Variants in GALNT18 observed in about 807,000 individuals in gnomAD.
GALNT18 encodes the protein GalNAc-transferase 18.
Under a neutral mutation model 69.5 loss-of-function variants are expected in GALNT18, and 44 were observed. That is an observed-to-expected ratio of 0.63 (90% CI 0.50 to 0.81). GALNT18 has a LOEUF of 0.81. Among genes scored for constraint, GALNT18 ranks in the 40% least tolerant of loss-of-function variants. The pLI, the probability that GALNT18 is intolerant of heterozygous loss-of-function variation, is 0.00. For missense variants in GALNT18, 715 were observed against 810.0 expected (o/e 0.88, Z 1.42); for synonymous variants, 364 against 318.2 (o/e 1.14, Z -1.53).
At chr11:11,285,661 G>A (rs1401246206) in intron 10 of GALNT18, among the ~76,000 whole-genome samples, 2 of 152,150 alleles carry the variant, frequency 1.3e-5, no homozygotes, top group African/African-American at 4.8e-5. Flanking sequence ...GTTTTATTCT[G>A]GAGCCATCAT....
rs1268177557 is a variant in GALNT18, at chr11:11,270,959, A to G, written c.*185T>C. The G allele has an allele frequency of 1.2e-5, 6 of 515,844 alleles. No individual in the cohort carries two copies. Among genetic ancestry groups the G allele is most frequent in the Non-Finnish European group, 1.7e-5 (5 of 290,940 alleles). 32.0% of individuals were successfully genotyped at this position (515,844 alleles called of 1,614,324 possible). A position where few individuals can be genotyped will look rare whatever the true frequency, so the allele number is the denominator to read the frequency against. On this transcript the variant is annotated 3_prime_UTR_variant, in exon 11 of 11. Transcript: ENST00000227756. ...CAACTGCAAAATAGTTTGATATCATACCATCACCTACCAATCAGCATCTTT... is the reference window on the plus strand; with the variant it reads ...CAACTGCAAAATAGTTTGATATCATGCCATCACCTACCAATCAGCATCTTT...
chr11:11,558,940 G>A (rs1858397213), intron 1 of GALNT18, among the ~76,000 whole-genome samples: 1 of 152,210 alleles, frequency 6.6e-6, no homozygotes, highest in African/African-American at 2.4e-5. Flanking sequence ...TTGCCAGAGA[G>A]GCTGCACAGC....
At chr11:11,275,886 G>T (rs141664378) in intron 10 of GALNT18, among the ~76,000 whole-genome samples, 2 of 152,102 alleles carry the variant, frequency 1.3e-5, no homozygotes, top group African/African-American at 4.8e-5. Flanking sequence ...TGTTCCATTG[G>T]TCTATCTCTC....
chr11:11,567,133 C>G (rs1299795974), intron 1 of GALNT18, among the ~76,000 whole-genome samples: 1 of 152,138 alleles, frequency 6.6e-6, no homozygotes, highest in Non-Finnish European at 1.5e-5. Flanking sequence ...CAGCCAGGAG[C>G]AAAAGCAAGT....
At chr11:11,568,668 G>A (rs1858710732) in intron 1 of GALNT18, among the ~76,000 whole-genome samples, 2 of 152,112 alleles carry the variant, frequency 1.3e-5, no homozygotes, top group African/African-American at 4.8e-5. Context: ...ACTGGACTAG[G>A]AGTCTGGAGT....
At chr11:11,362,245 A>G (rs1474533411) in intron 6 of GALNT18, among the ~76,000 whole-genome samples, 1 of 152,192 alleles carries the variant, frequency 6.6e-6, no homozygotes, top group Non-Finnish European at 1.5e-5. Flanking sequence ...ACATAAGTGA[A>G]TTTCTTTATA....
At chr11:11,272,268 C>A (rs1475795046) in intron 10 of GALNT18, among the ~76,000 whole-genome samples, 1 of 152,190 alleles carries the variant, frequency 6.6e-6, no homozygotes, top group East Asian at 1.9e-4. Flanking sequence ...CAAGTCCTGG[C>A]AATTCTACCT....
intron 1 of GALNT18, among the ~76,000 whole-genome samples, chr11:11,489,589 G>C (rs1195764095): frequency 6.6e-6 from 1 of 152,104 alleles, no homozygotes; most frequent in Admixed American, 6.5e-5. Flanking sequence ...TTGGGAGTTG[G>C]GCCTGGTTTT....
chr11:11,271,007 A>G lies in GALNT18; in HGVS notation c.*137T>C. The G allele has an allele frequency of 1.6e-6, 1 of 643,558 alleles. No individual in the cohort carries two copies. 39.9% of individuals were successfully genotyped at this position (643,558 alleles called of 1,614,324 possible). A position where few individuals can be genotyped will look rare whatever the true frequency, so the allele number is the denominator to read the frequency against. The stretch of plus-strand genomic sequence containing the variant: ...TTTCTATAAACTCCATGAAAATTGA[A>G]TAGGAAATAAAAAGCTCTTCTTGGG... On this transcript the variant is annotated 3_prime_UTR_variant, in exon 11 of 11. Coordinates refer to ENST00000227756, the MANE Select transcript of GALNT18 (RefSeq NM_198516.3).
rs961942461 is a variant in GALNT18, at chr11:11,465,048, G to A, written c.236-16112C>T. Among the ~76,000 whole-genome samples, 5 of 152,144 alleles carry A rather than the reference G, an allele frequency of 3.3e-5. No homozygotes were observed. The highest frequency in any genetic ancestry group is 9.7e-5 in the African/African-American group (4 of 41,418). On this transcript the variant is annotated intron_variant, in intron 1 of 10. Coordinates refer to ENST00000227756, the MANE Select transcript of GALNT18 (RefSeq NM_198516.3). The surrounding 1 kb of genome is among the most constrained non-coding windows in gnomAD (Gnocchi z 5.7). ...TTATTATTTCTTGTCTTCCCCACCA[G>A]AGTCAAGTACACAGAGTAACTTAGA...
At chr11:11,291,616 G>A (rs1274407270) in intron 10 of GALNT18, among the ~76,000 whole-genome samples, 3 of 150,292 alleles carry the variant, frequency 2.0e-5, no homozygotes, top group Non-Finnish European at 2.9e-5. Flanking sequence ...TTGAACCCCC[G>A]ACACTTTGCA....
In GALNT18 at chr11:11,337,961, ATTT is replaced by A. The variant is rs11351706; in HGVS notation, c.1278+2855_1278+2857del. The stretch of plus-strand genomic sequence containing the variant: ...TGTACATAGCAGGAGTCATTTAAAG[ATTT>A]TTTTTTTTTTTTTTTTTTTGAGACA... On this transcript the variant is annotated intron_variant, in intron 7 of 10. Coordinates refer to ENST00000227756, the MANE Select transcript of GALNT18 (RefSeq NM_198516.3). This position sits in a 1 kb window ranked among gnomAD's most constrained non-coding sequence, Gnocchi z 4.9. 7.4e-4 allele frequency among the ~76,000 whole-genome samples: 88 copies of A among 118,774 alleles called. No individual in the cohort carries two copies. Among genetic ancestry groups the A allele is most frequent in the African/African-American group, 2.3e-3 (69 of 30,496 alleles). 77.9% of individuals were successfully genotyped at this position (118,774 alleles called of 152,430 possible).
At chr11:11,373,035 C>T (rs575258267) in intron 5 of GALNT18, among the ~76,000 whole-genome samples, 21 of 152,222 alleles carry the variant, frequency 1.4e-4, no homozygotes, top group African/African-American at 4.8e-4. Context: ...TGTATGTCAT[C>T]CTTGGTCTAC....
In GALNT18 at chr11:11,592,376, T is replaced by C. The variant is rs1859378866; in HGVS notation, c.235+28983A>G. ...TTGACATGCTGTTCCTGCAAGGAAG[T>C]GGACTGAGTTTTCTAGATAATGTTT... On this transcript the variant is annotated intron_variant, in intron 1 of 10. Coordinates refer to ENST00000227756, the MANE Select transcript of GALNT18 (RefSeq NM_198516.3). The surrounding 1 kb of genome is among the most constrained non-coding windows in gnomAD (Gnocchi z 5.9). Among the ~76,000 whole-genome samples, 1 of 152,172 alleles carries C rather than the reference T, an allele frequency of 6.6e-6. No homozygotes were observed. The highest frequency in any genetic ancestry group is 1.5e-5 in the Non-Finnish European group (1 of 68,026).
At position 11,617,881 on chromosome 11, in the gene GALNT18, G is replaced by A. The variant is rs547836086; in HGVS notation, c.235+3478C>T. 1.3e-5 allele frequency among the ~76,000 whole-genome samples: 2 copies of A among 152,208 alleles called. No homozygotes were observed. The highest frequency in any genetic ancestry group is 4.2e-4 in the South Asian group (2 of 4,810). On this transcript the variant is annotated intron_variant, in intron 1 of 10. Transcript: ENST00000227756. The surrounding 1 kb of genome is among the most constrained non-coding windows in gnomAD (Gnocchi z 4.7). ...TCTACTCCTAAGATGGAGAGAACCT[G>A]ACCCTTACTAACATTTACTTTGTGT...
chr11:11,461,200 G>A lies in GALNT18; in HGVS notation c.236-12264C>T, dbSNP rs546008072. Among the ~76,000 whole-genome samples the A allele has an allele frequency of 6.6e-6, 1 of 152,178 alleles. No homozygotes were observed. The highest frequency in any genetic ancestry group is 1.5e-5 in the Non-Finnish European group (1 of 68,032). On this transcript the variant is annotated intron_variant, in intron 1 of 10. Coordinates refer to ENST00000227756, the MANE Select transcript of GALNT18 (RefSeq NM_198516.3). This position sits in a 1 kb window ranked among gnomAD's most constrained non-coding sequence, Gnocchi z 4.1. ...CACTCCTGACGGGCTGGCACTGCTG[G>A]GTCTTTCCTCCCCTGCAAGGGGGAC...
In GALNT18 at chr11:11,529,709, G is replaced by A. The variant is rs1857600106; in HGVS notation, c.236-80773C>T. 2.0e-5 allele frequency among the ~76,000 whole-genome samples: 3 copies of A among 152,066 alleles called. No homozygotes were observed. In the South Asian group the frequency reaches 6.2e-4, roughly 32 times the overall value. On this transcript the variant is annotated intron_variant, in intron 1 of 10. Coordinates refer to ENST00000227756, the MANE Select transcript of GALNT18 (RefSeq NM_198516.3). ...CATGTGTGCACGTGCATGTTAGAGG[G>A]GAGAAGGAGAGAGAGAGAGACTGTA...
At position 11,463,016 on chromosome 11, in the gene GALNT18, G is replaced by A. The variant is rs1283626729; in HGVS notation, c.236-14080C>T. On this transcript the variant is annotated intron_variant, in intron 1 of 10. Coordinates refer to ENST00000227756, the MANE Select transcript of GALNT18 (RefSeq NM_198516.3). The surrounding 1 kb of genome is among the most constrained non-coding windows in gnomAD (Gnocchi z 4.2). ...GTTGGTGCCTGGGTCTAGATGTATA[G>A]CATGCACCTGCCCCTACAGGACAGG... is the stretch of plus-strand genomic sequence containing the variant. 1.3e-5 allele frequency among the ~76,000 whole-genome samples: 2 copies of A among 152,126 alleles called. No homozygotes were observed. Among genetic ancestry groups the A allele is most frequent in the African/African-American group, 4.8e-5 (2 of 41,434 alleles).
At chr11:11,520,546 G>T (rs1268987815) in intron 1 of GALNT18, among the ~76,000 whole-genome samples, 1 of 152,232 alleles carries the variant, frequency 6.6e-6, no homozygotes, top group Non-Finnish European at 1.5e-5. Context: ...GGGCCTGTGT[G>T]GCGTGCAAGG....
Sources: allele counts gnomAD v4.1 joint callset (sites outside exome capture counted in the v4.1 genomes callset), GRCh38; gene constraint gnomAD v4.1.1; non-coding constraint Gnocchi (gnomAD v3.1); transcripts MANE v1.5; gene names NCBI Gene and HGNC (gene_info 2026-07-23, HGNC 2026-07-21).